COL4A2: variants seen among roughly 807,000 people sequenced by gnomAD.
COL4A2 encodes collagen alpha-2(IV) chain.
In COL4A2, 99 loss-of-function variants were observed where a neutral mutation model predicts 200.2. That is an observed-to-expected ratio of 0.49 (90% CI 0.42 to 0.58). The LOEUF (loss-of-function observed/expected upper bound fraction) is 0.58, where lower values mean the gene tolerates loss of function less well. Ranked by LOEUF, COL4A2 falls within the 20% of genes least tolerant of loss-of-function variation. The pLI is 0.00. For synonymous variants in COL4A2, 897 were observed against 900.6 expected (o/e 1.00, Z 0.07); for missense variants, 1,950 against 2,314.1 (o/e 0.84, Z 3.23).
chr13:110,426,680 C>A (rs1264476701), intron 6 of COL4A2, among the ~76,000 whole-genome samples: 1 of 152,214 alleles, frequency 6.6e-6, no homozygotes, highest in Non-Finnish European at 1.5e-5. Context: ...CTTTGAAGCA[C>A]AATTTCAGAC....
chr13:110,328,872 C>A (rs973524490), intron 3 of COL4A2, among the ~76,000 whole-genome samples: 2 of 152,236 alleles, frequency 1.3e-5, no homozygotes, highest in Non-Finnish European at 2.9e-5. Flanking sequence ...AGCTAAATCA[C>A]TTCATATATT....
intron 4 of COL4A2, among the ~76,000 whole-genome samples, chr13:110,375,300 G>T (rs1013328684): frequency 1.3e-5 from 2 of 152,204 alleles, no homozygotes; most frequent in Non-Finnish European, 2.9e-5. Flanking sequence ...CTCCAATGTG[G>T]CGATGGTATT....
chr13:110,480,007 C>T (rs563350546), intron 30 of COL4A2, among the ~76,000 whole-genome samples: 2 of 53,508 alleles, frequency 3.7e-5, no homozygotes, highest in South Asian at 8.6e-4. Flanking sequence ...ACCCCGCCAG[C>T]ACAGCCTCAA....
intron 3 of COL4A2, among the ~76,000 whole-genome samples, chr13:110,343,724 G>T (rs111369007): frequency 7.2e-5 from 11 of 152,356 alleles, no homozygotes; most frequent in Admixed American, 2.0e-4. Context: ...TCCTTGCCTA[G>T]ACCAGTCTTC....
intron 3 of COL4A2, among the ~76,000 whole-genome samples, chr13:110,356,705 T>G (rs1054937921): frequency 2.6e-5 from 4 of 152,078 alleles, no homozygotes; most frequent in Non-Finnish European, 5.9e-5. Context: ...GAATCCAGAT[T>G]CTCGGAATGT....
chr13:110,422,668 A>G (rs1880299265), intron 4 of COL4A2, among the ~76,000 whole-genome samples: 1 of 152,282 alleles, frequency 6.6e-6, no homozygotes, highest in East Asian at 1.9e-4. Context: ...GTTTGAGGGG[A>G]CAGGGGTCCC....
intron 4 of COL4A2, among the ~76,000 whole-genome samples, chr13:110,392,650 G>T (rs1032257223): frequency 6.6e-6 from 1 of 152,152 alleles, no homozygotes; most frequent in East Asian, 1.9e-4. Context: ...TCTCATTCCT[G>T]TTTCCTCAGG....
At position 110,381,107 on chromosome 13, in the gene COL4A2, G is replaced by T. The variant is rs185335017; in HGVS notation, c.180+23555G>T. Among the ~76,000 whole-genome samples, 22 of 144,014 alleles carry T rather than the reference G, an allele frequency of 1.5e-4. No individual in the cohort carries two copies. In the East Asian group the frequency reaches 4.2e-3, roughly 28 times the overall value. 94.5% of individuals were successfully genotyped at this position (144,014 alleles called of 152,430 possible). ...CCATGGGTCTCTATCTCACACCCAC[G>T]GGCTCTATGTCACAACCAGAGGCTC... On this transcript the variant is annotated intron_variant, in intron 4 of 47. Transcript: ENST00000360467.
intron 3 of COL4A2, among the ~76,000 whole-genome samples, chr13:110,331,279 G>C (rs753772242): frequency 6.6e-6 from 1 of 152,082 alleles, no homozygotes; most frequent in African/African-American, 2.4e-5. Flanking sequence ...GTAAGAACAG[G>C]GTTATTTGAG....
At chr13:110,444,276 G>A (rs1028981907) in intron 16 of COL4A2, among the ~76,000 whole-genome samples, 2 of 152,206 alleles carry the variant, frequency 1.3e-5, no homozygotes, top group African/African-American at 2.4e-5. Flanking sequence ...CACAGCATAG[G>A]TGTGTGATGC....
At position 110,425,121 on chromosome 13, in the gene COL4A2, ACTATACGTGCGTATT is replaced by A. The variant is rs569212395; in HGVS notation, c.360+127_360+141del. On this transcript the variant is annotated intron_variant, in intron 6 of 47. Transcript: ENST00000360467. ...TGTTTATGACATAAAACACGTGGGGACTATACGTGCGTATTCTCCCCGCGGAATTCAGTCAGACAG... is the reference window on the plus strand; with the variant it reads ...TGTTTATGACATAAAACACGTGGGGACTCCCCGCGGAATTCAGTCAGACAG... 3.6e-5 allele frequency: 40 copies of A among 1,113,538 alleles called. No homozygotes were observed. In the African/African-American group the frequency reaches 5.4e-4, roughly 15 times the overall value. 69.0% of individuals were successfully genotyped at this position (1,113,538 alleles called of 1,614,324 possible). A position where few individuals can be genotyped will look rare whatever the true frequency, so the allele number is the denominator to read the frequency against.
chr13:110,352,010 G>A (rs1210582832), intron 3 of COL4A2, among the ~76,000 whole-genome samples: 1 of 152,184 alleles, frequency 6.6e-6, no homozygotes, highest in Non-Finnish European at 1.5e-5. Context: ...GGGGAGCACA[G>A]CAGTGTTGGA....
chr13:110,383,606 C>CTTTTTTTTT (rs67906394), intron 4 of COL4A2, among the ~76,000 whole-genome samples: 2 of 65,328 alleles, frequency 3.1e-5, no homozygotes, highest in East Asian at 5.1e-4. Flanking sequence ...CAGCCCTTTT[C>CTTTTTTTTT]TTTTTTTTTT....
chr13:110,314,473 G>A (rs1355612734), intron 3 of COL4A2, among the ~76,000 whole-genome samples: 1 of 152,220 alleles, frequency 6.6e-6, no homozygotes, highest in Non-Finnish European at 1.5e-5. Context: ...AGCAGAGGTA[G>A]ACCCAAGCGA....
intron 39 of COL4A2, among the ~76,000 whole-genome samples, chr13:110,493,807 G>A (rs574052445): frequency 2.1e-4 from 25 of 119,390 alleles, no homozygotes; most frequent in Admixed American, 1.3e-3. Context: ...GCATGCCAGC[G>A]TGGTCGGGTT....
chr13:110,480,035 C>A (rs1882843276), intron 30 of COL4A2, among the ~76,000 whole-genome samples, 185 bp from the exon 31 acceptor site: 1 of 152,140 alleles, frequency 6.6e-6, no homozygotes, highest in South Asian at 2.1e-4. Flanking sequence ...ATACAGACCT[C>A]TCCAGAAAGG....
intron 4 of COL4A2, among the ~76,000 whole-genome samples, chr13:110,414,433 T>C (rs1243595487): frequency 6.6e-6 from 1 of 152,250 alleles, no homozygotes; most frequent in African/African-American, 2.4e-5. Context: ...TCCCCGTTGT[T>C]GGTACTTTGG....
intron 4 of COL4A2, among the ~76,000 whole-genome samples, chr13:110,387,599 G>A (rs952822978): frequency 2.6e-5 from 4 of 152,260 alleles, no homozygotes; most frequent in African/African-American, 9.6e-5. Context: ...GAGGAACGCA[G>A]GCGGCTGCAG....
intron 20 of COL4A2, among the ~76,000 whole-genome samples, chr13:110,451,981 T>C (rs1881552814): frequency 6.6e-6 from 1 of 152,250 alleles, no homozygotes; most frequent in Non-Finnish European, 1.5e-5. Flanking sequence ...GTTAACAGCC[T>C]CTTCTTTCCA....
Sources: gnomAD v4.1 joint callset for allele counts (sites outside exome capture counted in the v4.1 genomes callset) on GRCh38, gnomAD v4.1.1 for gene constraint, MANE v1.5 for transcripts, NCBI Gene and HGNC (gene_info 2026-07-23, HGNC 2026-07-21) for gene names.